Variants in USP54 observed in about 807,000 individuals in gnomAD.
USP54 encodes the protein ubiquitin carboxyl-terminal hydrolase 54.
Under a neutral mutation model 170.5 loss-of-function variants are expected in USP54, and 87 were observed. The observed-to-expected ratio is 0.51, with a 90% confidence interval of 0.43 to 0.61. The LOEUF (loss-of-function observed/expected upper bound fraction) is 0.61, where lower values mean the gene tolerates loss of function less well. Ranked by LOEUF, USP54 falls within the 20% of genes least tolerant of loss-of-function variation. The pLI, the probability that USP54 is intolerant of heterozygous loss-of-function variation, is 0.00. For synonymous variants in USP54, 655 were observed against 742.8 expected (o/e 0.88, Z 1.92); for missense variants, 1,786 against 2,047.8 (o/e 0.87, Z 2.47).
rs1172817208 is a variant in USP54 at position 73,617,769 on chromosome 10, G to T, written c.-18+7798C>A. On this transcript the variant is annotated intron_variant, in intron 1 of 22. Transcript: ENST00000339859. Reference sequence around the variant, plus strand: ...AAAAAACTTTTTTAAAATTAGCTGGGCATGGTGGTGCACATCTGTAGTTCC... The same window carrying T: ...AAAAAACTTTTTTAAAATTAGCTGGTCATGGTGGTGCACATCTGTAGTTCC... Among the ~76,000 whole-genome samples, 6 of 150,098 alleles carry T rather than the reference G, an allele frequency of 4.0e-5. 1 individual carries two copies. Among genetic ancestry groups the T allele is most frequent in the Admixed American group, 2.6e-4 (4 of 15,150 alleles).
Position 73,517,764 on chromosome 10 carries a change from G to C in USP54, c.2679-17C>G, listed in dbSNP as rs773175681. The C allele has an allele frequency of 1.6e-5, 26 of 1,595,228 alleles. No individual in the cohort carries two copies. In the Admixed American group the frequency reaches 2.1e-4, roughly 13 times the overall value. ...GGCTGTTCACTGAAACAAATGGAGA[G>C]AGCTAGTCATAAGCTGCCTTGACTG... On this transcript the variant is annotated splice_polypyrimidine_tract_variant and intron_variant, in intron 19 of 23. Transcript: ENST00000687698.
intron 5 of USP54, 50 bp downstream of exon 5, chr10:73,545,488 C>A (rs1265360130): frequency 1.4e-5 from 22 of 1,602,710 alleles, no homozygotes; most frequent in Non-Finnish European, 1.8e-5. Context: ...CTGATGGAGA[C>A]CATCAGCAGT....
intron 20 of USP54, among the ~76,000 whole-genome samples, chr10:73,509,301 G>A (rs914365202): frequency 7.3e-5 from 11 of 151,634 alleles, no homozygotes; most frequent in African/African-American, 2.7e-4. Flanking sequence ...TTATTGGTTT[G>A]TCTTTTAAAA....
At chr10:73,528,594 A>T (rs1382539532) in intron 15 of USP54, among the ~76,000 whole-genome samples, 1 of 143,800 alleles carries the variant, frequency 7.0e-6, no homozygotes, top group Admixed American at 7.0e-5. Flanking sequence ...TTTGAGATGG[A>T]GCCTTGCTCT....
intron 16 of USP54, 113 bp from the exon 17 acceptor site, chr10:73,523,863 A>C (rs1186587067): frequency 5.1e-6 from 3 of 583,600 alleles, no homozygotes; most frequent in Non-Finnish European, 7.9e-6. Flanking sequence ...TTCAATTTGG[A>C]GTTTATTTAT....
chr10:73,536,982 C>T (rs893888603), intron 10 of USP54, among the ~76,000 whole-genome samples: 1 of 152,178 alleles, frequency 6.6e-6, no homozygotes, highest in Non-Finnish European at 1.5e-5. Flanking sequence ...GACAATTGAA[C>T]CTCTCGGCCT....
intron 1 of USP54, among the ~76,000 whole-genome samples, chr10:73,602,552 CAA>C (rs1369385054): frequency 7.4e-6 from 1 of 135,728 alleles, no homozygotes. Flanking sequence ...GACTCTGATT[CAA>C]AAAAAAAAAA....
At chr10:73,501,401 A>G (rs907202434) in intron 22 of USP54, among the ~76,000 whole-genome samples, 2 of 152,150 alleles carry the variant, frequency 1.3e-5, no homozygotes, top group African/African-American at 4.8e-5. Flanking sequence ...TATGATAAAT[A>G]CCCAGAAATA....
chr10:73,542,937 T>C (rs752330191), intron 6 of USP54, 52 bp from the exon 7 acceptor site: 29 of 1,612,208 alleles, frequency 1.8e-5, no homozygotes, highest in Middle Eastern at 1.6e-4. Flanking sequence ...AGGAACTGTT[T>C]TGGCACCCAT....
chr10:73,607,066 T>C (rs563517768), intron 1 of USP54, among the ~76,000 whole-genome samples: 5 of 151,932 alleles, frequency 3.3e-5, no homozygotes, highest in South Asian at 2.1e-4. Context: ...TCCCAGCACT[T>C]TGGGAGGCCA....
intron 1 of USP54, among the ~76,000 whole-genome samples, chr10:73,608,587 G>C (rs1342039260): frequency 6.6e-6 from 1 of 152,150 alleles, no homozygotes; most frequent in Non-Finnish European, 1.5e-5. Flanking sequence ...GATAAGGGAA[G>C]TGAGGTTCAA....
rs141105079 is a variant in USP54 at position 73,590,819 on chromosome 10, G to T, written c.-582+459C>A. ...GCTGATAGGAAAAAAGAATCATTCA[G>T]CTACTTTCCAATTTAGCCACAAAAT... On this transcript the variant is annotated intron_variant, in intron 1 of 23. Coordinates refer to ENST00000687698, the MANE Select transcript of USP54 (RefSeq NM_001391956.1). Among the ~76,000 whole-genome samples, 145 of 152,148 alleles carry T rather than the reference G, an allele frequency of 9.5e-4. 1 individual carries two copies. The highest frequency in any genetic ancestry group is 2.5e-4 in the Non-Finnish European group (17 of 67,980).
At position 73,609,776 on chromosome 10, in the gene USP54, G is replaced by A. The variant is rs535013314; in HGVS notation, c.-18+15791C>T. Among the ~76,000 whole-genome samples the A allele has an allele frequency of 9.2e-5, 14 of 151,846 alleles. No individual in the cohort carries two copies. The South Asian group carries it at 2.5e-3, about 27-fold the overall frequency. On this transcript the variant is annotated intron_variant, in intron 1 of 22. Transcript: ENST00000339859. ...GGAGAAGCGCTTGAGCCTGGGAAGC[G>A]GAGGTTGCAGTGAGCCAAGATCATG...
At chr10:73,545,703 G>A (rs537549872) in intron 4 of USP54, 31 bp from the exon 5 acceptor site, 169 of 1,606,482 alleles carry the variant, frequency 1.1e-4, no homozygotes, top group Non-Finnish European at 1.4e-4. Context: ...AAGAGAAAAA[G>A]TACAATGCTG....
intron 20 of USP54, among the ~76,000 whole-genome samples, chr10:73,508,670 GT>G (rs778461146): frequency 1.4e-3 from 192 of 141,264 alleles, no homozygotes; most frequent in Middle Eastern, 3.6e-3. Context: ...AGAAGAACAT[GT>G]TTTTTTTTTT....
chr10:73,578,784 T>C (rs2133841355), intron 1 of USP54, among the ~76,000 whole-genome samples: 1 of 152,288 alleles, frequency 6.6e-6, no homozygotes, highest in Non-Finnish European at 1.5e-5. Flanking sequence ...GTTGGAACAA[T>C]TGGGACACCC....
At chr10:73,579,765 A>C (rs1564908510) in intron 1 of USP54, among the ~76,000 whole-genome samples, 1 of 141,026 alleles carries the variant, frequency 7.1e-6, no homozygotes, top group African/African-American at 3.2e-5. Context: ...TCAAAAAAAC[A>C]ACAACAACAA....
intron 16 of USP54, 128 bp from the exon 17 acceptor site, chr10:73,523,878 T>C (rs2062352576): frequency 1.3e-5 from 2 of 154,226 alleles, no homozygotes; most frequent in Non-Finnish European, 1.9e-5. Flanking sequence ...ATTTATTTAT[T>C]ATTTATTATT....
In USP54 at chr10:73,516,371, T is replaced by C; in HGVS notation, c.4051+4A>G. 6.2e-7 allele frequency: 1 copy of C among 1,604,000 alleles called. No individual in the cohort carries two copies. Among genetic ancestry groups the C allele is most frequent in the Non-Finnish European group, 8.5e-7 (1 of 1,175,820 alleles). On this transcript the variant is annotated splice_donor_region_variant and intron_variant, in intron 20 of 23. Transcript: ENST00000687698. Reference sequence around the variant, plus strand: ...CTCCCCCCAACCCCTGGTTGCATTCTTACCTGTTTGGCTAAGTGGGTGCCA... The same window carrying C: ...CTCCCCCCAACCCCTGGTTGCATTCCTACCTGTTTGGCTAAGTGGGTGCCA...
Sources: allele counts gnomAD v4.1 joint callset (sites outside exome capture counted in the v4.1 genomes callset), GRCh38; gene constraint gnomAD v4.1.1; transcripts MANE v1.5; gene names NCBI Gene and HGNC (gene_info 2026-07-23, HGNC 2026-07-21).